Variants in SMYD1 observed in about 807,000 individuals in gnomAD.
The protein encoded by SMYD1 is SET and MYND domain containing 1.
In SMYD1, 49 loss-of-function variants were observed where a neutral mutation model predicts 54.0. The observed-to-expected ratio is 0.91, with a 90% CI of 0.72 to 1.15. The LOEUF is 1.15. SMYD1 is among the 50% of genes most tolerant of loss of function. SMYD1 has a pLI of 0.00. For synonymous variants in SMYD1, 269 were observed against 234.2 expected (o/e 1.15, Z -1.36); for missense variants, 653 against 639.6 (o/e 1.02, Z -0.23).
At chr2:88,077,481 A>C (rs1674093631) in intron 1 of SMYD1, among the ~76,000 whole-genome samples, 1 of 152,236 alleles carries the variant, frequency 6.6e-6, no homozygotes, top group Admixed American at 6.5e-5. Flanking sequence ...ATTTTTAAAA[A>C]AACGAATCAC....
Position 88,106,479 on chromosome 2 carries a change from A to G in SMYD1, c.1136A>G (p.Asp379Gly), listed in dbSNP as rs1264793694. Reference protein sequence around the residue: ...EASFYARRMVDGYMKLYHPNN... With the variant: ...EASFYARRMVGGYMKLYHPNN... ...TCGTTCTATGCCAGGAGGATGGTGGACGGCTATATGTAGGTGACGATTCTA... is the reference window on the plus strand; with the variant it reads ...TCGTTCTATGCCAGGAGGATGGTGGGCGGCTATATGTAGGTGACGATTCTA... Residue 379 changes from aspartate to glycine, a missense_variant, in exon 8 of 10, where the codon GAC (aspartate) becomes GGC (glycine). By Grantham distance (94) the Asp-to-Gly change is moderately conservative. Coordinates refer to ENST00000419482, the MANE Select transcript of SMYD1 (RefSeq NM_198274.4). 1.2e-6 allele frequency: 2 copies of G among 1,613,786 alleles called. No individual in the cohort carries two copies. The highest frequency in any genetic ancestry group is 1.7e-6 in the Non-Finnish European group (2 of 1,179,874).
At position 88,112,237 on chromosome 2, in the gene SMYD1, C is replaced by T. The variant is rs755687265; in HGVS notation, c.*1725C>T. 2.9e-6 allele frequency: 2 copies of T among 683,592 alleles called. No homozygotes were observed. The highest frequency in any genetic ancestry group is 1.8e-5 in the African/African-American group (1 of 56,452). The allele number at this position is 683,592 out of a possible 1,614,324, so 42.3% of individuals were successfully genotyped here. ...CTTCATATAAAATGTCTCCCCCAAA[C>T]CTTTTTCCCTTCTTTGTCATTGTTA... On this transcript the variant is annotated 3_prime_UTR_variant, in exon 10 of 10. Coordinates refer to ENST00000419482, the MANE Select transcript of SMYD1 (RefSeq NM_198274.4).
chr2:88,106,725 C>G (rs959696641), intron 8 of SMYD1, among the ~76,000 whole-genome samples: 4 of 152,194 alleles, frequency 2.6e-5, no homozygotes, highest in Admixed American at 6.5e-5. Context: ...TTCCCAAATT[C>G]TCCAGCACAT....
chr2:88,106,542 GGATGGCAAATA>G (rs1674874841), intron 8 of SMYD1, 54 bp downstream of exon 8: 2 of 1,574,194 alleles, frequency 1.3e-6, no homozygotes, highest in African/African-American at 2.7e-5. Context: ...TGTATTCCAG[GGATGGCAAATA>G]GATGGCACAT....
chr2:88,081,991 A>G (rs1674209024), intron 1 of SMYD1, among the ~76,000 whole-genome samples: 1 of 152,144 alleles, frequency 6.6e-6, no homozygotes, highest in African/African-American at 2.4e-5. Flanking sequence ...CTGCCAGAAA[A>G]TGCAATCCTG....
intron 6 of SMYD1, among the ~76,000 whole-genome samples, chr2:88,101,701 G>A (rs1410034773): frequency 1.3e-5 from 2 of 152,134 alleles, no homozygotes; most frequent in African/African-American, 4.8e-5. Context: ...CGCTTCCCAG[G>A]TTCAAGTGAT....
At chr2:88,105,443 C>A (rs150850736) in intron 7 of SMYD1, among the ~76,000 whole-genome samples, 1 of 152,010 alleles carries the variant, frequency 6.6e-6, no homozygotes, top group African/African-American at 2.4e-5. Context: ...GCCACAGATA[C>A]TAAAATCTTC....
In SMYD1 at chr2:88,085,774, C is replaced by T. The variant is rs1044524162; in HGVS notation, c.314+1282C>T. 1.6e-4 allele frequency among the ~76,000 whole-genome samples: 25 copies of T among 152,310 alleles called. 1 individual carries two copies. Among genetic ancestry groups the T allele is most frequent in the African/African-American group, 6.0e-4 (25 of 41,576 alleles). ...TTTTCCCCAGTGCTGCCCTGGGCTCCCTGTGAAGACACCTCAGTTTCCAGG... is the reference window on the plus strand; with the variant it reads ...TTTTCCCCAGTGCTGCCCTGGGCTCTCTGTGAAGACACCTCAGTTTCCAGG... On this transcript the variant is annotated intron_variant, in intron 2 of 9. Transcript: ENST00000419482.
intron 3 of SMYD1, among the ~76,000 whole-genome samples, chr2:88,089,012 C>A (rs979718240): frequency 6.6e-6 from 1 of 152,174 alleles, no homozygotes; most frequent in African/African-American, 2.4e-5. Flanking sequence ...TCTCTCCAGT[C>A]TTCACCATAT....
intron 6 of SMYD1, among the ~76,000 whole-genome samples, chr2:88,101,913 C>G (rs1179068654): frequency 6.6e-6 from 1 of 152,182 alleles, no homozygotes; most frequent in African/African-American, 2.4e-5. Context: ...GCTGACATAC[C>G]CATTGTTGAT....
intron 1 of SMYD1, among the ~76,000 whole-genome samples, chr2:88,071,684 T>C (rs1226661090): frequency 6.6e-6 from 1 of 152,120 alleles, no homozygotes; most frequent in Non-Finnish European, 1.5e-5. Context: ...GCCATCCTCT[T>C]AGGTGTTGTG....
rs375982973 is a variant in SMYD1, at chr2:88,110,342, T to C, written c.1315-12T>C. On this transcript the variant is annotated splice_polypyrimidine_tract_variant and intron_variant, in intron 9 of 9. Transcript: ENST00000419482. ...TTGCTATCACTGTTTACGGTGTATC[T>C]GTGTCCCACAGGCCATGCGGGTGCA... 118 of 1,607,602 alleles carry C rather than the reference T, an allele frequency of 7.3e-5. No homozygotes were observed. The highest frequency in any genetic ancestry group is 7.6e-6 in the Non-Finnish European group (9 of 1,176,766).
chr2:88,096,264 A>G (rs983706093), intron 5 of SMYD1, among the ~76,000 whole-genome samples: 13 of 152,206 alleles, frequency 8.5e-5, no homozygotes, highest in Admixed American at 8.5e-4. Flanking sequence ...GTTACAGACA[A>G]TCAGTAGCTA....
chr2:88,096,315 G>A (rs940348823), intron 5 of SMYD1, among the ~76,000 whole-genome samples: 2 of 152,226 alleles, frequency 1.3e-5, no homozygotes, highest in African/African-American at 2.4e-5. Context: ...GTTCTGTCTG[G>A]TTTTATGACC....
At chr2:88,099,791 C>A (rs1199898815) in intron 6 of SMYD1, among the ~76,000 whole-genome samples, 1 of 151,480 alleles carries the variant, frequency 6.6e-6, no homozygotes, top group East Asian at 1.9e-4. Context: ...GCTTGGGAAC[C>A]AACATCCTTC....
chr2:88,094,877 C>G (rs1645700878), intron 5 of SMYD1, among the ~76,000 whole-genome samples: 1 of 152,180 alleles, frequency 6.6e-6, no homozygotes, highest in African/African-American at 2.4e-5. Flanking sequence ...GATCCACACT[C>G]TATCCTGGCC....
chr2:88,105,923 G>C (rs1674857031), intron 7 of SMYD1, among the ~76,000 whole-genome samples: 1 of 149,904 alleles, frequency 6.7e-6, no homozygotes, highest in Non-Finnish European at 1.5e-5. Flanking sequence ...GGGCAATGGA[G>C]TGAGACTCTT....
At position 88,087,079 on chromosome 2, in the gene SMYD1, CAAA is replaced by C. The variant is rs57379534; in HGVS notation, c.315-766_315-764del. Among the ~76,000 whole-genome samples, 796 of 83,848 alleles carry C rather than the reference CAAA, an allele frequency of 9.5e-3. 6 individuals carry two copies. The highest frequency in any genetic ancestry group is 0.036 in the African/African-American group (756 of 20,788). The allele number at this position is 83,848 out of a possible 152,430, so 55.0% of individuals were successfully genotyped here. On this transcript the variant is annotated intron_variant, in intron 2 of 9. Transcript: ENST00000419482. Reference sequence around the variant, plus strand: ...AATAAAGAGTACACTGTATAGCTTCCAAAAAAAAAAAAAAAAAAAGAATACCAA... The same window carrying C: ...AATAAAGAGTACACTGTATAGCTTCCAAAAAAAAAAAAAAAAGAATACCAA...
chr2:88,093,548 C>A lies in SMYD1; in HGVS notation c.691C>A (p.Gln231Lys). 1 of 1,614,164 alleles carries A rather than the reference C, an allele frequency of 6.2e-7. No homozygotes were observed. The highest frequency in any genetic ancestry group is 2.2e-5 in the East Asian group (1 of 44,886). ...GGCAGTGAAATCCATGTTTCATACC[C>A]AGATGAGGTGGGTCAGTCCTTTCAA... ...HEAVKSMFHT[Q>K]MRIELRALGK... Residue 231 changes from glutamine (Q) to lysine (K), a missense_variant, in exon 5 of 10, where the codon CAG becomes AAG. Coordinates refer to ENST00000419482, the MANE Select transcript of SMYD1 (RefSeq NM_198274.4).
Sources: allele counts gnomAD v4.1 joint callset (sites outside exome capture counted in the v4.1 genomes callset), GRCh38; gene constraint gnomAD v4.1.1; transcripts MANE v1.5; gene names NCBI Gene and HGNC (gene_info 2026-07-23, HGNC 2026-07-21).